The following EPM2A variants were observed in gnomAD, a reference collection of about 807,000 sequenced individuals.
The protein encoded by EPM2A is EPM2A glucan phosphatase, laforin.
A neutral mutation model predicts 26.5 loss-of-function variants in EPM2A; 21 were observed. The observed-to-expected ratio is 0.79, with a 90% CI of 0.56 to 1.14. The LOEUF (loss-of-function observed/expected upper bound fraction) is 1.14, where lower values mean the gene tolerates loss of function less well. EPM2A is among the 50% of genes most tolerant of loss of function. The pLI, the probability that EPM2A is intolerant of heterozygous loss-of-function variation, is 0.00. For synonymous variants in EPM2A, 217 were observed against 177.6 expected (o/e 1.22, Z -1.76); for missense variants, 458 against 440.8 (o/e 1.04, Z -0.35).
chr6:145,478,887 A>G (rs1461273920), intron 4 of EPM2A, among the ~76,000 whole-genome samples: 4 of 151,714 alleles, frequency 2.6e-5, no homozygotes, highest in African/African-American at 9.7e-5. Flanking sequence ...AGTTATTAAG[A>G]TCTGCTTTTG....
chr6:145,475,180 T>C (rs1056982715), intron 4 of EPM2A, among the ~76,000 whole-genome samples: 10 of 152,208 alleles, frequency 6.6e-5, no homozygotes, highest in African/African-American at 1.7e-4. Flanking sequence ...ATATGTTTTT[T>C]GCAGCACTGT....
intron 1 of EPM2A, among the ~76,000 whole-genome samples, chr6:145,717,016 C>A (rs6928780): frequency 1.3e-5 from 2 of 152,044 alleles, no homozygotes; most frequent in African/African-American, 2.4e-5. Context: ...CCTGAATTCC[C>A]ACCCAGAAGA....
intron 2 of EPM2A, among the ~76,000 whole-genome samples, chr6:145,643,511 T>C (rs950921291): frequency 2.6e-5 from 4 of 152,240 alleles, no homozygotes; most frequent in African/African-American, 9.6e-5. Context: ...TACATTTAAT[T>C]CATGTTATAA....
intron 2 of EPM2A, among the ~76,000 whole-genome samples, chr6:145,664,707 T>A (rs1019933974): frequency 2.6e-5 from 4 of 152,128 alleles, no homozygotes; most frequent in African/African-American, 4.8e-5. Flanking sequence ...CGACAGAATA[T>A]ACATTTTTTT....
At chr6:145,671,752 T>C (rs1157264245) in intron 2 of EPM2A, among the ~76,000 whole-genome samples, 1 of 152,208 alleles carries the variant, frequency 6.6e-6, no homozygotes, top group Non-Finnish European at 1.5e-5. Flanking sequence ...AAAATTATTG[T>C]TCTATAGTGT....
At chr6:145,432,402 T>C (rs980023351) in intron 4 of EPM2A, among the ~76,000 whole-genome samples, 2 of 152,100 alleles carry the variant, frequency 1.3e-5, no homozygotes, top group African/African-American at 4.8e-5. Flanking sequence ...AGAATGGAGG[T>C]TGTATTAGCA....
intron 2 of EPM2A, among the ~76,000 whole-genome samples, chr6:145,555,561 A>G (rs915371347): frequency 6.6e-6 from 1 of 152,118 alleles, no homozygotes; most frequent in Non-Finnish European, 1.5e-5. Flanking sequence ...AAATCCAAAA[A>G]TAATTGAAAG....
chr6:145,554,449 T>C (rs538844181), intron 2 of EPM2A, among the ~76,000 whole-genome samples: 13 of 151,960 alleles, frequency 8.6e-5, no homozygotes, highest in African/African-American at 2.2e-4. Flanking sequence ...GATAGATAGA[T>C]AGATAGATAG....
intron 2 of EPM2A, among the ~76,000 whole-genome samples, chr6:145,512,529 T>C (rs1275151965): frequency 6.6e-6 from 1 of 151,524 alleles, no homozygotes; most frequent in Non-Finnish European, 1.5e-5. Context: ...CTGGCCAAAA[T>C]GGTGAAACCC....
chr6:145,726,975 T>A (rs942045929), intron 1 of EPM2A, among the ~76,000 whole-genome samples: 3 of 152,258 alleles, frequency 2.0e-5, no homozygotes, highest in East Asian at 3.9e-4. Context: ...GTAAGGAGTA[T>A]ATAAGAACAC....
At chr6:145,391,314 G>A (rs12203531) in intron 4 of EPM2A, among the ~76,000 whole-genome samples, 16,771 of 152,152 alleles carry the variant, frequency 0.11, 964 homozygotes, top group South Asian at 0.17. Context: ...TACAGCAGCT[G>A]ACAGACATTC....
At chr6:145,535,043 T>C (rs879450178) in intron 2 of EPM2A, among the ~76,000 whole-genome samples, 1 of 152,224 alleles carries the variant, frequency 6.6e-6, no homozygotes, top group Non-Finnish European at 1.5e-5. Flanking sequence ...TTCATCTTTT[T>C]ATCTCCTTCC....
At chr6:145,408,704 C>T (rs886835892) in intron 4 of EPM2A, among the ~76,000 whole-genome samples, 1 of 152,152 alleles carries the variant, frequency 6.6e-6, no homozygotes, top group African/African-American at 2.4e-5. Flanking sequence ...TCAGTTCAGG[C>T]TACTATATGA....
At chr6:145,419,799 GAAT>G (rs1778758595) in intron 4 of EPM2A, among the ~76,000 whole-genome samples, 1 of 151,908 alleles carries the variant, frequency 6.6e-6, no homozygotes, top group Non-Finnish European at 1.5e-5. Flanking sequence ...AAACCATTCT[GAAT>G]AATTTACTAA....
At chr6:145,583,586 G>T (rs879831713) in intron 2 of EPM2A, among the ~76,000 whole-genome samples, 2 of 152,192 alleles carry the variant, frequency 1.3e-5, no homozygotes, top group South Asian at 2.1e-4. Flanking sequence ...GGCGGGCGGG[G>T]TGGGGTGTGC....
At chr6:145,586,430 T>C (rs1173133872) in intron 2 of EPM2A, among the ~76,000 whole-genome samples, 1 of 152,202 alleles carries the variant, frequency 6.6e-6, no homozygotes, top group Non-Finnish European at 1.5e-5. Context: ...GCTTGCCATA[T>C]GGAATAAGTA....
chr6:145,692,750 C>T (rs1468072952), intron 1 of EPM2A, among the ~76,000 whole-genome samples: 1 of 151,964 alleles, frequency 6.6e-6, no homozygotes, highest in Non-Finnish European at 1.5e-5. Flanking sequence ...TTTCTGGGCT[C>T]TCTATTCTGT....
At chr6:145,473,953 C>A (rs1048694748) in intron 4 of EPM2A, among the ~76,000 whole-genome samples, 3 of 151,898 alleles carry the variant, frequency 2.0e-5, no homozygotes, top group African/African-American at 7.3e-5. Context: ...CATTAATGGG[C>A]AATAAATAAT....
In EPM2A at chr6:145,659,384, G is replaced by A. The variant is rs1041826155; in HGVS notation, c.477-23898C>T. ...AGGCAGCATTGTACTTTACCCAGAA[G>A]GCTTTTTCTGTACTTCAACAGTATA... On this transcript the variant is annotated intron_variant, in intron 2 of 3. Transcript: ENST00000367519. Among the ~76,000 whole-genome samples, 11 of 152,110 alleles carry A rather than the reference G, an allele frequency of 7.2e-5. No individual in the cohort carries two copies. In the East Asian group the frequency reaches 2.1e-3, roughly 29 times the overall value.
Sources: allele counts gnomAD v4.1 joint callset (sites outside exome capture counted in the v4.1 genomes callset), GRCh38; gene constraint gnomAD v4.1.1; transcripts MANE v1.5; gene names NCBI Gene and HGNC (gene_info 2026-07-23, HGNC 2026-07-21).